The following OVOL3 variants were observed in gnomAD, a reference collection of about 807,000 sequenced individuals.
The protein encoded by OVOL3 is ovo like zinc finger 3, also known as putative transcription factor ovo-like protein 3.
In OVOL3, 15 loss-of-function variants were observed where a neutral mutation model predicts 13.6. The ratio of observed to expected loss-of-function variants is 1.11; its 90% CI spans 0.74 to 1.70. The LOEUF is 1.70. OVOL3 is among the 40% of genes most tolerant of loss of function. The pLI is 0.00. For synonymous variants in OVOL3, 102 were observed against 108.5 expected, an observed-to-expected ratio of 0.94 and a Z score of 0.37; for missense variants, 290 against 280.6, an observed-to-expected ratio of 1.03 and a Z score of -0.24.
chr19:36,111,567 T>G lies in OVOL3; in HGVS notation c.159+134T>G, dbSNP rs984253945. 6 of 884,446 alleles carry G rather than the reference T, an allele frequency of 6.8e-6. No individual in the cohort carries two copies. The East Asian group carries it at 1.6e-4, about 23-fold the overall frequency. The allele number at this position is 884,446 out of a possible 1,614,324, so 54.8% of individuals were successfully genotyped here. On this transcript the variant is annotated intron_variant, in intron 2 of 3. Coordinates refer to ENST00000633214, the MANE Select transcript of OVOL3 (RefSeq NM_001302757.2). ...AGCCTCGGGACCTGTCCGCCCCTAC[T>G]TCTCTGTGTTGGGAATGCCTCTCCT...
Position 36,112,747 on chromosome 19 carries a change from T to C in OVOL3, c.160-13T>C. On this transcript the variant is annotated splice_polypyrimidine_tract_variant and intron_variant, in intron 2 of 3. Coordinates refer to ENST00000633214, the MANE Select transcript of OVOL3 (RefSeq NM_001302757.2). The stretch of plus-strand genomic sequence containing the variant: ...TCCAGCCAGAGAGGCTAATAACTCC[T>C]GCATCCCTCCAGCAGCCCACACAGG... 1 of 1,530,452 alleles carries C rather than the reference T, an allele frequency of 6.5e-7. No individual in the cohort carries two copies. The highest frequency in any genetic ancestry group is 8.7e-7 in the Non-Finnish European group (1 of 1,143,924). The allele number at this position is 1,530,452 out of a possible 1,614,324, so 94.8% of individuals were successfully genotyped here.
At chr19:36,111,591 C>T in intron 2 of OVOL3, 158 bp downstream of exon 2, 1 of 787,432 alleles carries the variant, frequency 1.3e-6, no homozygotes, top group Non-Finnish European at 2.2e-6. Flanking sequence ...AATGCCTCTC[C>T]TTTCCTAGTA....
At chr19:36,113,103 C>T in intron 3 of OVOL3, 139 bp downstream of exon 3, 1 of 991,756 alleles carries the variant, frequency 1.0e-6, no homozygotes. Flanking sequence ...GTCTCTCGGA[C>T]CCCAGTGGGT....
Position 36,113,619 on chromosome 19 carries a change from C to T in OVOL3, c.531C>T (p.Pro177=), listed in dbSNP as rs759194413. 31 of 1,544,302 alleles carry T rather than the reference C, an allele frequency of 2.0e-5. No individual in the cohort carries two copies. In the African/African-American group the frequency reaches 2.2e-4, roughly 11 times the overall value. ...ACTGCGGCTTCACCAGCTCCCGGCC[C>T]GACACCTACGCACAGCACCGCGCCC... ...CEDCGFTSSR[P]DTYAQHRALH... Residue 177 remains proline (P), a synonymous_variant, in exon 4 of 4, where the codon CCC becomes CCT. Transcript: ENST00000633214.
In OVOL3 at chr19:36,113,615, G is replaced by C. The variant is rs1973881250; in HGVS notation, c.527G>C (p.Arg176Pro). The change falls in exon 4 of 4, where the codon CGG becomes CCG. Residue 176 changes from arginine to proline, a missense_variant. Arg to Pro is a moderately radical substitution (Grantham distance 103, BLOSUM62 -2). Coordinates refer to ENST00000633214, the MANE Select transcript of OVOL3 (RefSeq NM_001302757.2). Reference protein sequence around the residue: ...VCEDCGFTSSRPDTYAQHRAL... With the variant: ...VCEDCGFTSSPPDTYAQHRAL... The stretch of plus-strand genomic sequence containing the variant: ...GAGGACTGCGGCTTCACCAGCTCCC[G>C]GCCCGACACCTACGCACAGCACCGC... 1 of 1,543,512 alleles carries C rather than the reference G, an allele frequency of 6.5e-7. No individual in the cohort carries two copies. The highest frequency in any genetic ancestry group is 8.7e-7 in the Non-Finnish European group (1 of 1,146,896).
intron 2 of OVOL3, among the ~76,000 whole-genome samples, chr19:36,112,012 C>T (rs1025925805): frequency 4.6e-5 from 7 of 152,048 alleles, no homozygotes; most frequent in Admixed American, 2.0e-4. Context: ...ACCAGGCTGG[C>T]CAACATGTTG....
At chr19:36,111,846 C>A (rs1369984665) in intron 2 of OVOL3, 2 of 462,942 alleles carry the variant, frequency 4.3e-6, no homozygotes, top group Non-Finnish European at 8.6e-6. Flanking sequence ...TAGGCATGGG[C>A]TGTTATATTC....
rs1483254966 is a variant in OVOL3 at position 36,112,787 on chromosome 19, G to A, written c.187G>A (p.Ala63Thr). 51 of 1,534,714 alleles carry A rather than the reference G, an allele frequency of 3.3e-5. No homozygotes were observed. The highest frequency in any genetic ancestry group is 3.8e-5 in the Non-Finnish European group (44 of 1,146,670). ...GCCCACACAGGGCAACCTGACCTCTGCTCCCAGGGGCCCTGGGACGCTGGG... is the reference window on the plus strand; with the variant it reads ...GCCCACACAGGGCAACCTGACCTCTACTCCCAGGGGCCCTGGGACGCTGGG... ...AQPTQGNLTS[A>T]PRGPGTLGCP... Residue 63 changes from alanine (A) to threonine (T), a missense_variant, in exon 3 of 4, where the codon GCT (alanine) becomes ACT (threonine). Coordinates refer to ENST00000633214, the MANE Select transcript of OVOL3 (RefSeq NM_001302757.2).
At chr19:36,111,692 T>A (rs1442563945) in intron 2 of OVOL3, 1 of 646,392 alleles carries the variant, frequency 1.5e-6, no homozygotes, top group South Asian at 1.5e-5. Context: ...CATCCCCACA[T>A]GTGGATGATC....
At chr19:36,112,060 ACATGGTGG>A (rs776804572) in intron 2 of OVOL3, among the ~76,000 whole-genome samples, 3 of 151,854 alleles carry the variant, frequency 2.0e-5, no homozygotes, top group Non-Finnish European at 4.4e-5. Context: ...CATTAGCCAG[ACATGGTGG>A]CACGTGCCTG....
rs968118330 is a variant in OVOL3 at position 36,113,633 on chromosome 19, A to AGCACCGCGCCCT, written c.555_566dup (p.Leu186_Ala189dup). The AGCACCGCGCCCT allele has an allele frequency of 3.3e-5, 51 of 1,546,556 alleles. No individual in the cohort carries two copies. Among genetic ancestry groups the AGCACCGCGCCCT allele is most frequent in the Non-Finnish European group, 4.1e-5 (47 of 1,146,682 alleles). Reference sequence around the variant, plus strand: ...AGCTCCCGGCCCGACACCTACGCACAGCACCGCGCCCTGCACCGCGCAGCC... The same window carrying AGCACCGCGCCCT: ...AGCTCCCGGCCCGACACCTACGCACAGCACCGCGCCCTGCACCGCGCCCTGCACCGCGCAGCC... On this transcript the variant is annotated inframe_insertion, in exon 4 of 4. Transcript: ENST00000633214.
In OVOL3 at chr19:36,111,283, T is replaced by C. The variant is rs1973808834; in HGVS notation, c.81T>C (p.Asp27=). 2 of 1,535,974 alleles carry C rather than the reference T, an allele frequency of 1.3e-6. No homozygotes were observed. The highest frequency in any genetic ancestry group is 2.7e-5 in the African/African-American group (2 of 73,138). ...ATCTGCCTGACCAGCTCCGGGGAGA[T>C]GCCTATATCCCAGGTGGGCCCCTCA... is the stretch of plus-strand genomic sequence containing the variant. ...WGHLPDQLRG[D]AYIPDCSSLG... is the part of the protein sequence containing the mutation. Residue 27 remains aspartate (D), a synonymous_variant, in exon 1 of 4, where the codon GAT becomes GAC. Coordinates refer to ENST00000633214, the MANE Select transcript of OVOL3 (RefSeq NM_001302757.2).
Position 36,111,315 on chromosome 19 carries a change from C to G in OVOL3, c.94+19C>G. 3.9e-6 allele frequency: 6 copies of G among 1,535,792 alleles called. No homozygotes were observed. The highest frequency in any genetic ancestry group is 2.4e-5 in the East Asian group (1 of 40,904). On this transcript the variant is annotated intron_variant, in intron 1 of 3. Transcript: ENST00000633214. ...ATCCCAGGTGGGCCCCTCACTGTGC[C>G]TGGAGGTAAGGGGCAGGAGAGACGC...
chr19:36,111,410 A>T lies in OVOL3; in HGVS notation c.136A>T (p.Ser46Cys), dbSNP rs1435315339. Residue 46 changes from serine to cysteine, a missense_variant, in exon 2 of 4, where the codon AGT (serine) becomes TGT (cysteine). By Grantham distance (112) the Ser-to-Cys change is moderately radical (BLOSUM62 -1). Coordinates refer to ENST00000633214, the MANE Select transcript of OVOL3 (RefSeq NM_001302757.2). ...LGGPPAQQSSSVRDPWTAQPT... is the reference protein window; with the variant it reads ...LGGPPAQQSSCVRDPWTAQPT... Reference sequence around the variant, plus strand: ...GGGGCCACCGGCACAACAGTCGTCCAGTGTCAGGGATCCGTGGACAGCGGT... The same window carrying T: ...GGGGCCACCGGCACAACAGTCGTCCTGTGTCAGGGATCCGTGGACAGCGGT... 1.3e-6 allele frequency: 2 copies of T among 1,535,926 alleles called. No homozygotes were observed. The highest frequency in any genetic ancestry group is 1.4e-5 in the African/African-American group (1 of 73,034).
In OVOL3 at chr19:36,112,770, A is replaced by T; in HGVS notation, c.170A>T (p.Gln57Leu). Residue 57 changes from glutamine (Q) to leucine (L), a missense_variant, in exon 3 of 4, where the codon CAG (glutamine) becomes CTG (leucine). Transcript: ENST00000633214. Reference protein sequence around the residue: ...VRDPWTAQPTQGNLTSAPRGP... With the variant: ...VRDPWTAQPTLGNLTSAPRGP... The stretch of plus-strand genomic sequence containing the variant: ...CCTGCATCCCTCCAGCAGCCCACAC[A>T]GGGCAACCTGACCTCTGCTCCCAGG... 3.3e-6 allele frequency: 5 copies of T among 1,533,944 alleles called. No homozygotes were observed. Among genetic ancestry groups the T allele is most frequent in the Non-Finnish European group, 4.4e-6 (5 of 1,146,326 alleles).
intron 2 of OVOL3, among the ~76,000 whole-genome samples, chr19:36,112,412 G>C (rs146806414): frequency 6.6e-6 from 1 of 152,128 alleles, no homozygotes. Context: ...GTGTAATCGT[G>C]GGGAGGCTGA....
At chr19:36,111,844 G>A in intron 2 of OVOL3, 1 of 463,772 alleles carries the variant, frequency 2.2e-6, no homozygotes, top group Non-Finnish European at 4.3e-6. Context: ...TCTAGGCATG[G>A]GCTGTTATAT....
Position 36,112,933 on chromosome 19 carries a change from C to T in OVOL3, c.333C>T (p.Phe111=). Residue 111 remains phenylalanine, a synonymous_variant, in exon 3 of 4, where the codon TTC becomes TTT. Transcript: ENST00000633214. ...RCCGKGFHDA[F]DLKRHMRTHT... ...GTGGCAAGGGCTTTCATGACGCCTT[C>T]GATCTCAAGCGCCACATGAGGACTC... The T allele has an allele frequency of 6.5e-7, 1 of 1,536,314 alleles. No homozygotes were observed. Among genetic ancestry groups the T allele is most frequent in the East Asian group, 2.4e-5 (1 of 40,910 alleles).
Position 36,113,572 on chromosome 19 carries a change from G to A in OVOL3, c.484G>A (p.Glu162Lys). The A allele has an allele frequency of 2.0e-6, 3 of 1,537,928 alleles. No homozygotes were observed. Among genetic ancestry groups the A allele is most frequent in the Non-Finnish European group, 2.6e-6 (3 of 1,146,894 alleles). Residue 162 changes from glutamate (E) to lysine (K), a missense_variant, in exon 4 of 4, where the codon GAG becomes AAG. Transcript: ENST00000633214. ...CAGCTACGCTTACCGTGAGCGCCGC[G>A]AGAAGCTGCACGTGTGCGAGGACTG... ...PASYAYRERR[E>K]KLHVCEDCGF...
Sources: allele counts gnomAD v4.1 joint callset (sites outside exome capture counted in the v4.1 genomes callset), GRCh38; gene constraint gnomAD v4.1.1; transcripts MANE v1.5; gene names NCBI Gene and HGNC (gene_info 2026-07-23, HGNC 2026-07-21).